Variants in FAM13B observed in about 807,000 individuals in gnomAD.
The protein encoded by FAM13B is family with sequence similarity 13 member B.
Under a neutral mutation model 117.3 loss-of-function variants are expected in FAM13B, and 60 were observed. That is an observed-to-expected ratio of 0.51 (90% CI 0.42 to 0.63). FAM13B has a LOEUF of 0.63. Ranked by LOEUF, FAM13B falls within the 30% of genes least tolerant of loss-of-function variation. The pLI is 0.00. For missense variants in FAM13B, 972 were observed against 1,091.9 expected (o/e 0.89, Z 1.55); for synonymous variants, 332 against 356.1 (o/e 0.93, Z 0.76).
At chr5:137,988,141 T>C (rs1309808705) in intron 8 of FAM13B, 133 bp downstream of exon 8, 2 of 534,980 alleles carry the variant, frequency 3.7e-6, no homozygotes, top group Non-Finnish European at 6.4e-6. Flanking sequence ...CCTATCACAG[T>C]ACATAAAAAA....
intron 7 of FAM13B, among the ~76,000 whole-genome samples, chr5:138,000,228 T>A (rs1248128519): frequency 6.6e-6 from 1 of 152,076 alleles, no homozygotes; most frequent in Non-Finnish European, 1.5e-5. Context: ...CGAGACCTTG[T>A]ATTTACAACA....
At chr5:137,993,872 A>G (rs1174477422) in intron 7 of FAM13B, among the ~76,000 whole-genome samples, 1 of 152,184 alleles carries the variant, frequency 6.6e-6, no homozygotes, top group Non-Finnish European at 1.5e-5. Flanking sequence ...CCAAATCTCT[A>G]AAGTAGGGCC....
intron 19 of FAM13B, 25 bp from the exon 20 acceptor site, chr5:137,946,022 G>A: frequency 6.4e-7 from 1 of 1,552,322 alleles, no homozygotes; most frequent in Non-Finnish European, 8.8e-7. Flanking sequence ...AAAAGAAATT[G>A]TCTAGTCATC....
chr5:138,028,458 A>G (rs533096712), intron 1 of FAM13B, among the ~76,000 whole-genome samples: 80 of 152,342 alleles, frequency 5.3e-4, no homozygotes, highest in Non-Finnish European at 4.3e-4. Context: ...CTGAGATTAA[A>G]ACATTTCTCT....
intron 10 of FAM13B, among the ~76,000 whole-genome samples, chr5:137,973,642 G>A (rs1772995601): frequency 6.6e-6 from 1 of 152,080 alleles, no homozygotes; most frequent in Non-Finnish European, 1.5e-5. Flanking sequence ...CACAGCAAAA[G>A]AAACTACCAT....
chr5:137,956,508 G>A lies in FAM13B; in HGVS notation c.1476C>T (p.Phe492=). ...SCPITFPLID[F]KTMHLQRDGE... is the part of the protein sequence containing the mutation. ...CATCTCTCTGCAGATGCATTGTTTT[G>A]AAATCAATGAGGGGAAAAGTGATAG... Residue 492 remains phenylalanine, a synonymous_variant, in exon 14 of 24, where the codon TTC becomes TTT. Coordinates refer to ENST00000689681, the MANE Select transcript of FAM13B (RefSeq NM_001385994.1). The A allele has an allele frequency of 6.2e-7, 1 of 1,600,958 alleles. No homozygotes were observed. Among genetic ancestry groups the A allele is most frequent in the Admixed American group, 1.7e-5 (1 of 58,458 alleles).
At chr5:137,956,406 G>A (rs3777115) in intron 14 of FAM13B, 71 bp downstream of exon 14, 148,323 of 1,065,970 alleles carry the variant, frequency 0.14, 13,540 homozygotes, top group East Asian at 0.36. Flanking sequence ...GCAGGAGAAG[G>A]GCTTAATAAA....
chr5:137,992,957 C>T (rs1204453457), intron 7 of FAM13B, among the ~76,000 whole-genome samples: 1 of 151,566 alleles, frequency 6.6e-6, no homozygotes, highest in African/African-American at 2.4e-5. Context: ...TGTCCACCAA[C>T]AGCAAAATGG....
At chr5:137,975,994 T>TTTTTTTTTTTTTTTG (rs1223359020) in intron 10 of FAM13B, among the ~76,000 whole-genome samples, 10 of 149,920 alleles carry the variant, frequency 6.7e-5, no homozygotes, top group Non-Finnish European at 5.9e-5. Context: ...TTTTTTTTTT[T>TTTTTTTTTTTTTTTG]TGAGACAGTC....
intron 1 of FAM13B, among the ~76,000 whole-genome samples, chr5:138,051,108 T>C (rs1791788088): frequency 6.6e-6 from 1 of 152,172 alleles, no homozygotes; most frequent in Non-Finnish European, 1.5e-5. Flanking sequence ...AAATATATCC[T>C]CTCAGACCTC....
chr5:138,046,870 C>T (rs898409422), intron 1 of FAM13B, among the ~76,000 whole-genome samples: 5 of 151,988 alleles, frequency 3.3e-5, no homozygotes, highest in African/African-American at 1.2e-4. Flanking sequence ...CTCAGCCTCC[C>T]GAGTAGCTGG....
chr5:138,042,582 A>G (rs80343911), intron 1 of FAM13B, among the ~76,000 whole-genome samples: 2,809 of 152,106 alleles, frequency 0.018, 31 homozygotes, highest in Non-Finnish European at 0.026. Flanking sequence ...TGTTTCCCAA[A>G]AAAAGCAAAA....
At chr5:138,046,491 T>C (rs546292581) in intron 1 of FAM13B, among the ~76,000 whole-genome samples, 5 of 152,360 alleles carry the variant, frequency 3.3e-5, no homozygotes, top group African/African-American at 9.6e-5. Context: ...TACACAGGTG[T>C]TTCCTTTAGA....
intron 20 of FAM13B, 126 bp downstream of exon 20, chr5:137,945,776 C>A: frequency 1.6e-6 from 1 of 634,488 alleles, no homozygotes; most frequent in South Asian, 2.6e-5. Flanking sequence ...TCAGTAATCT[C>A]ACCTTACAGT....
chr5:138,039,583 G>A (rs1389377585), intron 1 of FAM13B: 1 of 150,354 alleles, frequency 6.7e-6, no homozygotes, highest in Non-Finnish European at 1.5e-5. Context: ...CTACAGGCAT[G>A]TGCCACCATG....
chr5:138,032,394 C>G, intron 1 of FAM13B, among the ~76,000 whole-genome samples: 1 of 152,240 alleles, frequency 6.6e-6, no homozygotes, highest in Non-Finnish European at 1.5e-5. Flanking sequence ...ATCAACTTCA[C>G]TGCCCAGCAT....
At chr5:137,975,411 C>T (rs1773625463) in intron 10 of FAM13B, among the ~76,000 whole-genome samples, 1 of 152,170 alleles carries the variant, frequency 6.6e-6, no homozygotes, top group Non-Finnish European at 1.5e-5. Context: ...CAGACAGATG[C>T]TACAATAAAA....
chr5:138,011,673 C>G (rs1260284931), intron 5 of FAM13B, 95 bp downstream of exon 5: 1 of 811,400 alleles, frequency 1.2e-6, no homozygotes, highest in Non-Finnish European at 1.9e-6. Flanking sequence ...CCGCATCAGC[C>G]TCCCAAAGTG....
chr5:137,947,117 G>A (rs73299210), intron 18 of FAM13B, among the ~76,000 whole-genome samples: 22,114 of 152,078 alleles, frequency 0.15, 1,787 homozygotes, highest in Non-Finnish European at 0.17. Flanking sequence ...TGTCCCCTTC[G>A]TTCTATAGGA....
Sources: allele counts gnomAD v4.1 joint callset (sites outside exome capture counted in the v4.1 genomes callset), GRCh38; gene constraint gnomAD v4.1.1; transcripts MANE v1.5; gene names NCBI Gene and HGNC (gene_info 2026-07-23, HGNC 2026-07-21).